Variants in RNF38 observed in about 807,000 individuals in gnomAD.
RNF38 encodes the protein E3 ubiquitin-protein ligase RNF38.
RNF38 carries 15 observed loss-of-function variants against 67.2 expected under a neutral mutation model. The observed-to-expected ratio is 0.22, with a 90% confidence interval of 0.15 to 0.34. RNF38 has a LOEUF of 0.34. Ranked by LOEUF, RNF38 falls within the 10% of genes least tolerant of loss-of-function variation. The probability of loss-of-function intolerance (pLI) is 1.00; values close to 1 mark genes in which losing one functional copy is unlikely to be tolerated. For missense variants in RNF38, 524 were observed against 639.9 expected (o/e 0.82, Z 1.95); for synonymous variants, 220 against 218.8 (o/e 1.01, Z -0.05).
intron 2 of RNF38, among the ~76,000 whole-genome samples, chr9:36,378,444 G>C (rs370137983): frequency 1.6e-4 from 25 of 152,194 alleles, no homozygotes; most frequent in African/African-American, 5.3e-4. Flanking sequence ...CCAAACTGCT[G>C]GGTTTACAGG....
At chr9:36,407,164 C>T (rs554500885) in intron 2 of RNF38, among the ~76,000 whole-genome samples, 2 of 152,312 alleles carry the variant, frequency 1.3e-5, no homozygotes, top group South Asian at 4.1e-4. Flanking sequence ...AATGTTAACA[C>T]AAATCAAAGT....
In RNF38 at chr9:36,363,452, G is replaced by A. The variant is rs910934371; in HGVS notation, c.571-5510C>T. Among the ~76,000 whole-genome samples the A allele has an allele frequency of 2.0e-5, 2 of 100,318 alleles. 1 individual carries two copies. The highest frequency in any genetic ancestry group is 5.2e-5 in the Non-Finnish European group (2 of 38,628). 65.8% of individuals were successfully genotyped at this position (100,318 alleles called of 152,430 possible). A position where few individuals can be genotyped will look rare whatever the true frequency, so the allele number is the denominator to read the frequency against. On this transcript the variant is annotated intron_variant, in intron 4 of 11. Transcript: ENST00000259605. ...CTACTTTTTACTTCCACTAGCAATA[G>A]AATTGTCAGTCTTTTTAATTTTGGC...
chr9:36,421,604 AGTGAGCCAAGATCACAC>A (rs1441024004), intron 2 of RNF38, among the ~76,000 whole-genome samples: 1 of 152,170 alleles, frequency 6.6e-6, no homozygotes, highest in Admixed American at 6.5e-5. Flanking sequence ...CGGAGGTTGC[AGTGAGCCAAGATCACAC>A]CATTGCACTC....
Position 36,414,559 on chromosome 9 carries a change from G to A in RNF38, n.312+10054C>T, listed in dbSNP as rs1587632669. On this transcript the variant is annotated intron_variant and non_coding_transcript_variant, in intron 2 of 3. Coordinates refer to the RNF38 transcript ENST00000488058. ...AAATTAGCCGGGCGTGGTGGCACAT[G>A]CCTGTAATCCCAGCTACTCGGGAGG... Among the ~76,000 whole-genome samples, 6 of 152,050 alleles carry A rather than the reference G, an allele frequency of 3.9e-5. No individual in the cohort carries two copies. In the South Asian group the frequency reaches 1.2e-3, roughly 32 times the overall value.
At chr9:36,358,690 C>A (rs1194742924) in intron 4 of RNF38, among the ~76,000 whole-genome samples, 1 of 152,066 alleles carries the variant, frequency 6.6e-6, no homozygotes, top group Non-Finnish European at 1.5e-5. Context: ...AACTCTTTTG[C>A]CAATATAAAC....
Position 36,339,090 on chromosome 9 carries a change from T to TTTGA in RNF38, c.*661_*662insTCAA, listed in dbSNP as rs1393335136. 2 of 152,600 alleles carry TTTGA rather than the reference T, an allele frequency of 1.3e-5. No homozygotes were observed. Among genetic ancestry groups the TTTGA allele is most frequent in the African/African-American group, 2.4e-5 (1 of 41,420 alleles). The allele number at this position is 152,600 out of a possible 1,614,324, so 9.5% of individuals were successfully genotyped here. On this transcript the variant is annotated 3_prime_UTR_variant, in exon 12 of 12. Coordinates refer to ENST00000259605, the MANE Select transcript of RNF38 (RefSeq NM_022781.5). The stretch of plus-strand genomic sequence containing the variant: ...CACTGGGAGGGAAGGGGATGGAGTA[T>TTTGA]TCAATGCTTGTAATTGATGCACCCT...
chr9:36,339,674 A>G lies in RNF38; in HGVS notation c.*78T>C, dbSNP rs893409105. The stretch of plus-strand genomic sequence containing the variant: ...TGGTAAAGGGAGGGCTGGAAGCCAC[A>G]CAGATTAAGTTCAATGGATAGTCCG... On this transcript the variant is annotated 3_prime_UTR_variant, in exon 12 of 12. Transcript: ENST00000259605. 24 of 1,177,078 alleles carry G rather than the reference A, an allele frequency of 2.0e-5. No individual in the cohort carries two copies. Among genetic ancestry groups the G allele is most frequent in the Non-Finnish European group, 2.6e-5 (21 of 799,326 alleles). The allele number at this position is 1,177,078 out of a possible 1,614,324, so 72.9% of individuals were successfully genotyped here.
chr9:36,455,290 G>A (rs867653601), intron 1 of RNF38, among the ~76,000 whole-genome samples: 1 of 151,770 alleles, frequency 6.6e-6, no homozygotes, highest in South Asian at 2.1e-4. Context: ...TCAAACTCCA[G>A]GCCTCCAGTG....
At chr9:36,409,880 T>A (rs1420358489) in intron 2 of RNF38, among the ~76,000 whole-genome samples, 3 of 152,198 alleles carry the variant, frequency 2.0e-5, no homozygotes, top group Non-Finnish European at 4.4e-5. Flanking sequence ...AATCATAATA[T>A]TAAGTAAATC....
intron 1 of RNF38, among the ~76,000 whole-genome samples, chr9:36,471,963 G>A (rs1322148031): frequency 2.6e-5 from 4 of 152,042 alleles, no homozygotes; most frequent in African/African-American, 4.8e-5. Context: ...TGGGGAAGAG[G>A]AATGTTTCTT....
intron 10 of RNF38, 41 bp from the exon 11 acceptor site, chr9:36,342,465 G>A (rs764220190): frequency 3.9e-6 from 5 of 1,280,040 alleles, no homozygotes; most frequent in Admixed American, 1.7e-5. Context: ...AAAACCAGAT[G>A]GTTTTCTATT....
Position 36,408,147 on chromosome 9 carries a change from G to A in RNF38, n.312+16466C>T, listed in dbSNP as rs369267499. Among the ~76,000 whole-genome samples, 172 of 152,206 alleles carry A rather than the reference G, an allele frequency of 1.1e-3. 1 individual carries two copies. In the South Asian group the frequency reaches 0.033, roughly 29 times the overall value. On this transcript the variant is annotated intron_variant and non_coding_transcript_variant, in intron 2 of 3. Coordinates refer to the RNF38 transcript ENST00000488058. ...TTTTTTGAAACCTGTCACCCAGGTT[G>A]AGGTGCAGTGTCATGATCACAGCTC...
At chr9:36,349,593 C>T (rs1833544312) in intron 9 of RNF38, among the ~76,000 whole-genome samples, 1 of 152,030 alleles carries the variant, frequency 6.6e-6, no homozygotes, top group African/African-American at 2.4e-5. Context: ...TCTGCTGTTT[C>T]TTTCTTTTGC....
intron 1 of RNF38, among the ~76,000 whole-genome samples, chr9:36,458,744 A>G (rs1839653263): frequency 6.6e-6 from 1 of 152,240 alleles, no homozygotes; most frequent in Admixed American, 6.5e-5. Flanking sequence ...CCGCGGCTTC[A>G]TTCTTGAAAT....
At chr9:36,414,670 G>C (rs966232305) in intron 2 of RNF38, among the ~76,000 whole-genome samples, 9 of 143,254 alleles carry the variant, frequency 6.3e-5, no homozygotes, top group South Asian at 2.2e-4. Flanking sequence ...TGGGCAACGA[G>C]AGCGAAACTC....
At chr9:36,462,208 G>A (rs552948070) in intron 1 of RNF38, among the ~76,000 whole-genome samples, 1 of 152,210 alleles carries the variant, frequency 6.6e-6, no homozygotes, top group East Asian at 1.9e-4. Context: ...TCAGGGAACT[G>A]GAATAAAGGA....
intron 3 of RNF38, 144 bp downstream of exon 3, chr9:36,375,790 A>G: frequency 7.3e-6 from 5 of 686,052 alleles, no homozygotes; most frequent in Non-Finnish European, 1.2e-5. Context: ...AATCTAGGCA[A>G]CTTTCTTTTT....
At chr9:36,464,028 G>A (rs186900607) in intron 1 of RNF38, among the ~76,000 whole-genome samples, 23 of 151,952 alleles carry the variant, frequency 1.5e-4, no homozygotes, top group African/African-American at 4.1e-4. Context: ...TTAGCCGGGC[G>A]TGGTGGCAGG....
intron 2 of RNF38, among the ~76,000 whole-genome samples, chr9:36,416,341 C>T (rs1386473447): frequency 1.3e-5 from 2 of 151,996 alleles, no homozygotes; most frequent in Non-Finnish European, 2.9e-5. Context: ...CAGGCCTCAC[C>T]GAATTCCTCC....
Sources: gnomAD v4.1 joint callset for allele counts (sites outside exome capture counted in the v4.1 genomes callset) on GRCh38, gnomAD v4.1.1 for gene constraint, MANE v1.5 for transcripts, NCBI Gene and HGNC (gene_info 2026-07-23, HGNC 2026-07-21) for gene names.